Variants in GRM7 observed in about 807,000 individuals in gnomAD.
The protein encoded by GRM7 is metabotropic glutamate receptor 7.
Under a neutral mutation model 84.5 loss-of-function variants are expected in GRM7, and 35 were observed. The ratio of observed to expected loss-of-function variants is 0.41; its 90% CI spans 0.32 to 0.55. The LOEUF is 0.55. Among genes scored for constraint, GRM7 ranks in the 20% least tolerant of loss-of-function variants. GRM7 has a pLI of 0.19. For missense variants in GRM7, 1,003 were observed against 1,194.6 expected, an observed-to-expected ratio of 0.84 and a Z score of 2.36; for synonymous variants, 487 against 455.1, an observed-to-expected ratio of 1.07 and a Z score of -0.89.
chr3:6,952,908 TC>T (rs1257035471), intron 1 of GRM7, among the ~76,000 whole-genome samples: 1 of 152,226 alleles, frequency 6.6e-6, no homozygotes, highest in African/African-American at 2.4e-5. Flanking sequence ...TGTGGATTTT[TC>T]TAATGTAGTC....
intron 4 of GRM7, among the ~76,000 whole-genome samples, chr3:7,331,776 C>T (rs1237417614): frequency 6.6e-6 from 1 of 152,110 alleles, no homozygotes; most frequent in East Asian, 1.9e-4. Context: ...TCAATTTCCC[C>T]CTAGGTAAAC....
intron 2 of GRM7, among the ~76,000 whole-genome samples, chr3:7,215,531 G>A (rs980218237): frequency 9.2e-5 from 14 of 152,010 alleles, no homozygotes; most frequent in Non-Finnish European, 1.5e-5. Context: ...CAGGCGTGGT[G>A]GTGGGCGCCT....
intron 2 of GRM7, among the ~76,000 whole-genome samples, chr3:7,159,680 T>G (rs1694563307): frequency 6.6e-6 from 1 of 152,160 alleles, no homozygotes; most frequent in South Asian, 2.1e-4. Flanking sequence ...AAATACTAGC[T>G]CTACTCACAT....
At chr3:7,030,671 GA>G (rs1419510273) in intron 1 of GRM7, among the ~76,000 whole-genome samples, 2 of 152,142 alleles carry the variant, frequency 1.3e-5, no homozygotes, top group Non-Finnish European at 2.9e-5. Flanking sequence ...CCGGCTTTAG[GA>G]GATAGAATGC....
chr3:7,684,809 G>T (rs2125145177), intron 9 of GRM7, among the ~76,000 whole-genome samples: 1 of 152,200 alleles, frequency 6.6e-6, no homozygotes, highest in Non-Finnish European at 1.5e-5. Flanking sequence ...TCTGCACTTA[G>T]ATTGAAAAAT....
intron 1 of GRM7, among the ~76,000 whole-genome samples, chr3:7,096,780 T>TTAAGATAACAAAGACACTCCTATCAA (rs1334229890): frequency 2.0e-5 from 3 of 152,142 alleles, no homozygotes; most frequent in African/African-American, 7.2e-5. Context: ...AGTTACTTCA[T>TTAAGATAACAAAGACACTCCTATCAA]TAAGATAACA....
intron 4 of GRM7, among the ~76,000 whole-genome samples, chr3:7,350,105 A>C (rs1405596585): frequency 6.6e-6 from 1 of 152,144 alleles, no homozygotes; most frequent in African/African-American, 2.4e-5. Flanking sequence ...ACAAAACATA[A>C]GGACAATGTT....
intron 1 of GRM7, among the ~76,000 whole-genome samples, chr3:6,986,231 A>G (rs1001263852): frequency 1.3e-5 from 2 of 152,222 alleles, no homozygotes; most frequent in East Asian, 1.9e-4. Context: ...AAAAAACCCA[A>G]AAAACACAAA....
intron 7 of GRM7, among the ~76,000 whole-genome samples, chr3:7,532,681 CTT>C (rs1553612139): frequency 2.7e-5 from 4 of 149,876 alleles, no homozygotes; most frequent in Non-Finnish European, 5.9e-5. Flanking sequence ...TTTGTTTGCT[CTT>C]GTTTCTCTAC....
rs1697229467 is a variant in GRM7, at chr3:7,056,553, A to G, written c.520-89899A>G. ...TATCATCTTTGTTAAATAAAGTTCC[A>G]CTTTTTGGAATAAGTATACACAGTT... On this transcript the variant is annotated intron_variant, in intron 1 of 9. Coordinates refer to ENST00000357716, the MANE Select transcript of GRM7 (RefSeq NM_000844.4). Among the ~76,000 whole-genome samples the G allele has an allele frequency of 2.0e-5, 3 of 152,108 alleles. No homozygotes were observed. The South Asian group carries it at 6.2e-4, about 32-fold the overall frequency.
intron 7 of GRM7, among the ~76,000 whole-genome samples, chr3:7,567,236 C>A (rs1217835308): frequency 6.6e-6 from 1 of 152,122 alleles, no homozygotes; most frequent in Non-Finnish European, 1.5e-5. Context: ...AGTTGTAATT[C>A]CACTACAATA....
chr3:7,365,631 GTGTGTGTGCGTGTGTGT>G (rs2125110468), intron 4 of GRM7, among the ~76,000 whole-genome samples: 1 of 110,888 alleles, frequency 9.0e-6, no homozygotes, highest in East Asian at 2.5e-4. Flanking sequence ...TAATATGCAT[GTGTGTGTGCGTGTGTGT>G]ATATATATAT....
chr3:6,959,503 A>G (rs1693209180), intron 1 of GRM7, among the ~76,000 whole-genome samples: 1 of 152,110 alleles, frequency 6.6e-6, no homozygotes, highest in Non-Finnish European at 1.5e-5. Context: ...TAATTACATT[A>G]CCCTTTGTGA....
chr3:7,240,081 G>A (rs535516206), intron 2 of GRM7, among the ~76,000 whole-genome samples: 2 of 136,424 alleles, frequency 1.5e-5, no homozygotes, highest in South Asian at 4.9e-4. Flanking sequence ...CATCAAATGT[G>A]TATGAGTAAG....
Position 7,113,258 on chromosome 3 carries a change from CTTTAT to C in GRM7, c.520-33185_520-33181del, listed in dbSNP as rs1290916968. 5.3e-5 allele frequency among the ~76,000 whole-genome samples: 8 copies of C among 152,114 alleles called. No homozygotes were observed. In the East Asian group the frequency reaches 1.4e-3, roughly 26 times the overall value. ...CATTGTCATAGTTTAATTATAGTGA[CTTTAT>C]TTTATTTTTATTAATACTTTGTTTT... On this transcript the variant is annotated intron_variant, in intron 1 of 9. Coordinates refer to ENST00000357716, the MANE Select transcript of GRM7 (RefSeq NM_000844.4).
At chr3:7,052,107 T>G (rs1418271882) in intron 1 of GRM7, among the ~76,000 whole-genome samples, 1 of 151,744 alleles carries the variant, frequency 6.6e-6, no homozygotes. Flanking sequence ...TCCAGGAGTT[T>G]AATTTTAAAG....
chr3:7,599,224 CATT>C (rs1177723348), intron 8 of GRM7, among the ~76,000 whole-genome samples: 4 of 152,038 alleles, frequency 2.6e-5, no homozygotes, highest in Non-Finnish European at 5.9e-5. Context: ...TTGACGTTTC[CATT>C]ATTTTTAGTT....
intron 2 of GRM7, among the ~76,000 whole-genome samples, chr3:7,253,298 A>C (rs1698072952): frequency 6.6e-6 from 1 of 152,206 alleles, no homozygotes; most frequent in Admixed American, 6.5e-5. Context: ...TATGCATTTA[A>C]CATTTTCCAG....
intron 2 of GRM7, among the ~76,000 whole-genome samples, chr3:7,217,273 C>A (rs1696645981): frequency 6.6e-6 from 1 of 152,182 alleles, no homozygotes; most frequent in Non-Finnish European, 1.5e-5. Context: ...CCCCAAGTGG[C>A]ACATTCACTA....
Sources: allele counts gnomAD v4.1 joint callset (sites outside exome capture counted in the v4.1 genomes callset), GRCh38; gene constraint gnomAD v4.1.1; transcripts MANE v1.5; gene names NCBI Gene and HGNC (gene_info 2026-07-23, HGNC 2026-07-21).